Variants in DNAH11 observed in about 807,000 individuals in gnomAD.
The protein encoded by DNAH11 is axonemal beta dynein heavy chain 11.
In DNAH11, 442 loss-of-function variants were observed where a neutral mutation model predicts 526.0. That is an observed-to-expected ratio of 0.84 (90% CI 0.78 to 0.91). The LOEUF (loss-of-function observed/expected upper bound fraction) is 0.91. DNAH11 is among the 40% of genes least tolerant of loss of function. The pLI is 0.00. For missense variants in DNAH11, 6,989 were observed against 5,448.7 expected (o/e 1.28, Z -8.90); for synonymous variants, 2,461 against 1,935.9 (o/e 1.27, Z -7.12).
intron 31 of DNAH11, among the ~76,000 whole-genome samples, chr7:21,681,984 C>T (rs1472087171): frequency 6.6e-6 from 1 of 152,170 alleles, no homozygotes; most frequent in Non-Finnish European, 1.5e-5. Context: ...GTGTGACCGT[C>T]TTGGTCATTG....
intron 35 of DNAH11, among the ~76,000 whole-genome samples, chr7:21,695,669 G>T (rs1416953130): frequency 3.9e-5 from 6 of 152,148 alleles, no homozygotes; most frequent in African/African-American, 1.4e-4. Context: ...TACCACTCAG[G>T]ACATAGGCAT....
At chr7:21,715,665 C>T (rs1451287420) in intron 42 of DNAH11, among the ~76,000 whole-genome samples, 1 of 152,100 alleles carries the variant, frequency 6.6e-6, no homozygotes, top group African/African-American at 2.4e-5. Flanking sequence ...AGCTCTGTGG[C>T]TTCAGTGTTT....
rs375296714 is a variant in DNAH11, at chr7:21,873,405, C to T, written c.12099C>T (p.Ile4033=). The change falls in exon 74 of 82, where the codon ATC becomes ATT. Residue 4033 remains isoleucine, a synonymous_variant. Transcript: ENST00000409508. ...CACCTACACCAGATGAGCATATCAT[C>T]CCTCAAGGACTCCTGGAAAATTCCA... ...ESAPTPDEHI[I]PQGLLENSIK... is the part of the protein sequence containing the mutation. 12 of 1,613,872 alleles carry T rather than the reference C, an allele frequency of 7.4e-6. No individual in the cohort carries two copies. The African/African-American group carries it at 1.1e-4, about 14-fold the overall frequency.
intron 79 of DNAH11, among the ~76,000 whole-genome samples, chr7:21,897,592 T>C (rs188436540): frequency 4.0e-5 from 6 of 150,196 alleles, no homozygotes; most frequent in African/African-American, 2.4e-5. Flanking sequence ...TTCAAAGGTA[T>C]AATTTAGGAA....
intron 46 of DNAH11, among the ~76,000 whole-genome samples, chr7:21,737,748 C>T (rs1415368320): frequency 6.6e-6 from 1 of 152,104 alleles, no homozygotes; most frequent in African/African-American, 2.4e-5. Flanking sequence ...CATGTTAACC[C>T]CCTAAGCAGG....
intron 8 of DNAH11, among the ~76,000 whole-genome samples, chr7:21,574,522 T>C (rs1396714926): frequency 1.3e-5 from 2 of 151,832 alleles, no homozygotes; most frequent in East Asian, 3.9e-4. Context: ...CCACAAGCCC[T>C]GCATACTTTT....
At chr7:21,771,213 C>A (rs559566831) in intron 55 of DNAH11, among the ~76,000 whole-genome samples, 1 of 152,188 alleles carries the variant, frequency 6.6e-6, no homozygotes, top group Admixed American at 6.5e-5. Flanking sequence ...CTCCCTCCCT[C>A]CCTTGAATAC....
At chr7:21,711,542 T>C (rs777937527) in intron 41 of DNAH11, among the ~76,000 whole-genome samples, 170 bp from the exon 42 acceptor site, 4 of 152,172 alleles carry the variant, frequency 2.6e-5, no homozygotes, top group Non-Finnish European at 4.4e-5. Context: ...TGTTCAAGGG[T>C]CAGTCAGGTC....
At chr7:21,648,825 A>G (rs1338626191) in intron 28 of DNAH11, among the ~76,000 whole-genome samples, 3 of 152,200 alleles carry the variant, frequency 2.0e-5, no homozygotes. Context: ...AACAAAGCAA[A>G]GAATTGATTA....
chr7:21,630,919 T>A (rs1001740931), intron 25 of DNAH11, among the ~76,000 whole-genome samples: 4 of 152,172 alleles, frequency 2.6e-5, no homozygotes, highest in Non-Finnish European at 5.9e-5. Flanking sequence ...CTTCACTGCT[T>A]TTCATTCTTT....
At chr7:21,622,498 C>A (rs959083084) in intron 25 of DNAH11, among the ~76,000 whole-genome samples, 3 of 152,052 alleles carry the variant, frequency 2.0e-5, no homozygotes, top group South Asian at 2.1e-4. Context: ...CCAAAAAAGA[C>A]CCCGCATTGC....
chr7:21,630,212 C>T (rs1464071755), intron 25 of DNAH11, among the ~76,000 whole-genome samples: 1 of 151,802 alleles, frequency 6.6e-6, no homozygotes, highest in Non-Finnish European at 1.5e-5. Flanking sequence ...TCCATTCCTT[C>T]CCCCCACCCC....
At chr7:21,707,928 T>C in intron 40 of DNAH11, 93 bp downstream of exon 40, 1 of 1,336,516 alleles carries the variant, frequency 7.5e-7, no homozygotes, top group Non-Finnish European at 1.0e-6. Context: ...GTCGCAGACT[T>C]ACTGTTTATG....
chr7:21,667,966 A>G (rs1262880798), intron 30 of DNAH11, among the ~76,000 whole-genome samples: 2 of 152,296 alleles, frequency 1.3e-5, no homozygotes, highest in East Asian at 1.9e-4. Context: ...CCCTGTTTCA[A>G]TGATTTTATC....
At chr7:21,741,796 G>C in intron 48 of DNAH11, 131 bp from the exon 49 acceptor site, 1 of 1,032,628 alleles carries the variant, frequency 9.7e-7, no homozygotes, top group Non-Finnish European at 1.4e-6. Flanking sequence ...CAACCCCAGA[G>C]TCAGAGTGGA....
rs1410656179 is a variant in DNAH11 at position 21,866,350 on chromosome 7, G to C, written c.11497-120G>C. Reference sequence around the variant, plus strand: ...AAAAAAAAAAAGGAAATCTGAAGAGGAGAGTGAATACTATCCAGCACAGTT... The same window carrying C: ...AAAAAAAAAAAGGAAATCTGAAGAGCAGAGTGAATACTATCCAGCACAGTT... On this transcript the variant is annotated intron_variant, in intron 70 of 81. Transcript: ENST00000409508. The C allele has an allele frequency of 3.7e-6, 3 of 802,854 alleles. No homozygotes were observed. In the African/African-American group the frequency reaches 5.3e-5, roughly 14 times the overall value. 49.7% of individuals were successfully genotyped at this position (802,854 alleles called of 1,614,324 possible).
At chr7:21,698,369 T>G (rs781283754) in intron 36 of DNAH11, among the ~76,000 whole-genome samples, 156 bp downstream of exon 36, 5 of 152,192 alleles carry the variant, frequency 3.3e-5, no homozygotes, top group Non-Finnish European at 5.9e-5. Flanking sequence ...AGGTGTTTTT[T>G]GGTTACATGG....
intron 7 of DNAH11, 94 bp downstream of exon 7, chr7:21,570,393 C>A: frequency 2.9e-6 from 3 of 1,029,404 alleles, no homozygotes; most frequent in South Asian, 1.7e-5. Flanking sequence ...TACTTTATAT[C>A]ATAGGTGGAG....
chr7:21,810,111 A>C (rs897166048), intron 63 of DNAH11, among the ~76,000 whole-genome samples: 4 of 152,236 alleles, frequency 2.6e-5, no homozygotes, highest in African/African-American at 9.6e-5. Context: ...TTTCAGACTT[A>C]AAGTGTAGCA....
Sources: gnomAD v4.1 joint callset for allele counts (sites outside exome capture counted in the v4.1 genomes callset) on GRCh38, gnomAD v4.1.1 for gene constraint, MANE v1.5 for transcripts, NCBI Gene and HGNC (gene_info 2026-07-23, HGNC 2026-07-21) for gene names.